The following FAM184B variants were observed in gnomAD, a reference collection of about 807,000 sequenced individuals.
FAM184B encodes the protein family with sequence similarity 184 member B, also known as protein FAM184B.
A neutral mutation model predicts 135.9 loss-of-function variants in FAM184B; 111 were observed. That is an observed-to-expected ratio of 0.82 (90% CI 0.70 to 0.96). The LOEUF is 0.96. FAM184B is among the 40% of genes least tolerant of loss of function. The pLI is 0.00. For synonymous variants in FAM184B, 552 were observed against 524.8 expected, an observed-to-expected ratio of 1.05 and a Z score of -0.71; for missense variants, 1,375 against 1,323.9, an observed-to-expected ratio of 1.04 and a Z score of -0.60.
intron 9 of FAM184B, 30 bp from the exon 10 acceptor site, chr4:17,658,592 A>G (rs1329899639): frequency 6.5e-7 from 1 of 1,540,046 alleles, no homozygotes; most frequent in East Asian, 2.5e-5. Flanking sequence ...CCCTCAGTCT[A>G]AGCCCCTTGC....
At chr4:17,636,813 C>G (rs1382749254) in intron 14 of FAM184B, among the ~76,000 whole-genome samples, 168 bp from the exon 15 acceptor site, 1 of 152,102 alleles carries the variant, frequency 6.6e-6, no homozygotes, top group Non-Finnish European at 1.5e-5. Flanking sequence ...CTTGCCGAAC[C>G]CAGGATTCCA....
At chr4:17,705,300 T>C (rs1352965749) in intron 4 of FAM184B, 94 bp from the exon 5 acceptor site, 4 of 960,590 alleles carry the variant, frequency 4.2e-6, no homozygotes, top group South Asian at 3.2e-5. Flanking sequence ...ACAACGTTTA[T>C]ACACTGTTTT....
chr4:17,651,849 G>C (rs1715626593), intron 11 of FAM184B, among the ~76,000 whole-genome samples: 2 of 152,164 alleles, frequency 1.3e-5, no homozygotes, highest in Admixed American at 6.5e-5. Flanking sequence ...CTTCGAAGAT[G>C]CTGTGTGTGA....
At chr4:17,757,332 C>T (rs1718445946) in intron 1 of FAM184B, among the ~76,000 whole-genome samples, 1 of 152,094 alleles carries the variant, frequency 6.6e-6, no homozygotes, top group South Asian at 2.1e-4. Context: ...GACATATCAA[C>T]GTATTGCAAC....
At chr4:17,669,770 C>A (rs1032254102) in intron 7 of FAM184B, among the ~76,000 whole-genome samples, 1 of 152,108 alleles carries the variant, frequency 6.6e-6, no homozygotes. Flanking sequence ...ATATACATCT[C>A]CCAGAAACTG....
Position 17,781,363 on chromosome 4 carries a change from TGCGC to T in FAM184B, c.-68_-65del. 5 of 1,415,574 alleles carry T rather than the reference TGCGC, an allele frequency of 3.5e-6. No individual in the cohort carries two copies. Among genetic ancestry groups the T allele is most frequent in the Non-Finnish European group, 4.6e-6 (5 of 1,077,692 alleles). The allele number at this position is 1,415,574 out of a possible 1,614,324, so 87.7% of individuals were successfully genotyped here. A position where few individuals can be genotyped will look rare whatever the true frequency, so the allele number is the denominator to read the frequency against. On this transcript the variant is annotated 5_prime_UTR_variant, in exon 1 of 18. Transcript: ENST00000265018. This position sits in a 1 kb window ranked among gnomAD's most constrained non-coding sequence, Gnocchi z 6.5. The stretch of plus-strand genomic sequence containing the variant: ...TCCCTGCCCACCGTGTGCACGTGCG[TGCGC>T]GCGCGGGCGTGCGAGCGTGTGGGTT...
Position 17,681,055 on chromosome 4 carries a change from A to T in FAM184B, c.1596+7369T>A, listed in dbSNP as rs144682119. Among the ~76,000 whole-genome samples, 58 of 152,358 alleles carry T rather than the reference A, an allele frequency of 3.8e-4. No homozygotes were observed. In the East Asian group the frequency reaches 0.01, roughly 26 times the overall value. ...AACTTACATTGACAGAATCTTTAAC[A>T]GTTCTGAAAAGTGACTTCATATGCT... is the stretch of plus-strand genomic sequence containing the variant. On this transcript the variant is annotated intron_variant, in intron 7 of 17. Transcript: ENST00000265018.
intron 7 of FAM184B, among the ~76,000 whole-genome samples, chr4:17,673,509 C>A (rs1560173376): frequency 6.6e-6 from 1 of 152,102 alleles, no homozygotes; most frequent in Non-Finnish European, 1.5e-5. Context: ...AAATGTGGAA[C>A]CAACCCAAAT....
chr4:17,727,210 A>G (rs933830588), intron 1 of FAM184B, among the ~76,000 whole-genome samples: 3 of 152,186 alleles, frequency 2.0e-5, no homozygotes, highest in African/African-American at 7.2e-5. Flanking sequence ...CTACTCTCAC[A>G]TAGCACATGA....
At chr4:17,648,650 C>T (rs902415543) in intron 11 of FAM184B, among the ~76,000 whole-genome samples, 4 of 152,070 alleles carry the variant, frequency 2.6e-5, no homozygotes, top group African/African-American at 7.2e-5. Flanking sequence ...CCACAGTACC[C>T]GGCCAATATC....
chr4:17,658,185 C>A (rs1447616189), intron 10 of FAM184B, among the ~76,000 whole-genome samples, 165 bp downstream of exon 10: 1 of 152,228 alleles, frequency 6.6e-6, no homozygotes, highest in Admixed American at 6.5e-5. Context: ...GTTGCAAAAT[C>A]TCTCTGAGCC....
At chr4:17,667,938 A>G (rs1157516858) in intron 7 of FAM184B, among the ~76,000 whole-genome samples, 1 of 151,994 alleles carries the variant, frequency 6.6e-6, no homozygotes, top group Non-Finnish European at 1.5e-5. Context: ...AGTTCTCTCT[A>G]TCCTGGGCCT....
chr4:17,693,207 T>A (rs563057350), intron 6 of FAM184B, 95 bp downstream of exon 6: 1 of 915,874 alleles, frequency 1.1e-6, no homozygotes, highest in African/African-American at 1.7e-5. Flanking sequence ...CTGAGTGTCC[T>A]TTTCTGTCTT....
At chr4:17,755,174 C>T (rs981318481) in intron 1 of FAM184B, among the ~76,000 whole-genome samples, 2 of 152,028 alleles carry the variant, frequency 1.3e-5, no homozygotes, top group African/African-American at 2.4e-5. Flanking sequence ...TTCTTTTATA[C>T]CTCAATTTGA....
chr4:17,721,823 G>C (rs542291134), intron 1 of FAM184B, among the ~76,000 whole-genome samples: 1 of 152,176 alleles, frequency 6.6e-6, no homozygotes, highest in Non-Finnish European at 1.5e-5. Context: ...ACATTCCCTC[G>C]CAATGGGCCT....
intron 12 of FAM184B, 143 bp from the exon 13 acceptor site, chr4:17,642,371 G>T: frequency 1.5e-6 from 2 of 1,356,452 alleles, no homozygotes; most frequent in Non-Finnish European, 1.9e-6. Context: ...TGAGTTCCCT[G>T]CAGGGACTCC....
chr4:17,693,302 C>G lies in FAM184B; in HGVS notation c.1488G>C (p.Glu496Asp). The stretch of plus-strand genomic sequence containing the variant: ...AGGCTTGCATTTGGTCAGGGCTCAC[C>G]TCAAGCAGAGAATTCTGAAGCTTCA... ...LNVKLQNSLL[E>D]VLRLEEFIQQ... The change falls in exon 6 of 18, where the codon GAG becomes GAC. Residue 496 changes from glutamate to aspartate, a missense_variant and splice_region_variant. Glu to Asp is a conservative substitution (Grantham distance 45). Coordinates refer to ENST00000265018, the MANE Select transcript of FAM184B (RefSeq NM_015688.2). 6.4e-7 allele frequency: 1 copy of G among 1,550,484 alleles called. No individual in the cohort carries two copies. Among genetic ancestry groups the G allele is most frequent in the South Asian group, 1.2e-5 (1 of 84,018 alleles).
intron 1 of FAM184B, among the ~76,000 whole-genome samples, chr4:17,712,699 T>C (rs921037311): frequency 6.6e-6 from 1 of 151,928 alleles, no homozygotes; most frequent in African/African-American, 2.4e-5. Context: ...CTATCAACCA[T>C]GGAAGAGCTT....
Position 17,647,792 on chromosome 4 carries a change from C to G in FAM184B, c.2192-1G>C. 2 of 1,549,592 alleles carry G rather than the reference C, an allele frequency of 1.3e-6. No homozygotes were observed. Among genetic ancestry groups the G allele is most frequent in the Non-Finnish European group, 1.7e-6 (2 of 1,146,474 alleles). On this transcript the variant is annotated splice_acceptor_variant, in intron 11 of 17. Transcript: ENST00000265018. LOFTEE classifies it high-confidence loss of function. ...TCCGACAGCTCCTGTCTGAGCGACT[C>G]TGGAAAAGGGAGAGCAGCAGTGAGT... is the stretch of plus-strand genomic sequence containing the variant.
Sources: allele counts gnomAD v4.1 joint callset (sites outside exome capture counted in the v4.1 genomes callset), GRCh38; gene constraint gnomAD v4.1.1; non-coding constraint Gnocchi (gnomAD v3.1); transcripts MANE v1.5; gene names NCBI Gene and HGNC (gene_info 2026-07-23, HGNC 2026-07-21).